The following CARD9 variants were observed in gnomAD, a reference collection of about 807,000 sequenced individuals.
The protein encoded by CARD9 is caspase recruitment domain-containing protein 9.
CARD9 carries 53 observed loss-of-function variants against 66.0 expected under a neutral mutation model. That is an observed-to-expected ratio of 0.80 (90% CI 0.64 to 1.01). The LOEUF is 1.01. Among genes scored for constraint, CARD9 ranks in the 50% least tolerant of loss-of-function variants. The pLI is 0.00. For synonymous variants in CARD9, 387 were observed against 313.8 expected, an observed-to-expected ratio of 1.23 and a Z score of -2.47; for missense variants, 769 against 743.2, an observed-to-expected ratio of 1.03 and a Z score of -0.40.
intron 11 of CARD9, chr9:136,364,872 C>T (rs1005327409): frequency 4.4e-5 from 26 of 595,392 alleles, no homozygotes; most frequent in African/African-American, 7.4e-5. Context: ...GTGTTCACCT[C>T]CTCATCCACT....
chr9:136,364,736 C>T, intron 11 of CARD9, 177 bp from the exon 12 acceptor site: 1 of 656,252 alleles, frequency 1.5e-6, no homozygotes, highest in Non-Finnish European at 2.6e-6. Flanking sequence ...GGAGGTGAGC[C>T]GGTGTGGGTA....
At chr9:136,371,557 T>C in intron 2 of CARD9, 96 bp from the exon 3 acceptor site, 1 of 1,500,112 alleles carries the variant, frequency 6.7e-7, no homozygotes, top group Non-Finnish European at 9.0e-7. Flanking sequence ...GAGGCTGGCA[T>C]GCAGATGAGG....
In CARD9 at chr9:136,373,540, C is replaced by G; in HGVS notation, c.-25G>C. On this transcript the variant is annotated 5_prime_UTR_variant, in exon 1 of 13. Coordinates refer to ENST00000371732, the MANE Select transcript of CARD9 (RefSeq NM_052813.5). ...GCACCAGACCCACCCACCTGAGGGT[C>G]TTCCAGGAGCCACCTGCACTGCAGA... 1.0e-6 allele frequency: 1 copy of G among 985,700 alleles called. No individual in the cohort carries two copies. The highest frequency in any genetic ancestry group is 1.2e-6 in the Non-Finnish European group (1 of 830,040). 61.1% of individuals were successfully genotyped at this position (985,700 alleles called of 1,614,324 possible).
chr9:136,372,042 C>A lies in CARD9; in HGVS notation c.37G>T (p.Val13Phe). Residue 13 changes from valine (V) to phenylalanine (F), a missense_variant, in exon 2 of 13, where the codon GTC (valine) becomes TTC (phenylalanine). Val to Phe is a conservative substitution (Grantham distance 50). Coordinates refer to ENST00000371732, the MANE Select transcript of CARD9 (RefSeq NM_052813.5). The stretch of plus-strand genomic sequence containing the variant: ...AGCGTCACCCGGAAGCCCTCCAGGA[C>A]GCTCCAGCACTCGTCATCGTTCTCG... ...DYENDDECWS[V>F]LEGFRVTLTS... The A allele has an allele frequency of 6.2e-7, 1 of 1,612,784 alleles. No homozygotes were observed. The highest frequency in any genetic ancestry group is 1.1e-5 in the South Asian group (1 of 91,088).
At chr9:136,372,694 G>A (rs1382074801) in intron 1 of CARD9, among the ~76,000 whole-genome samples, 5 of 152,184 alleles carry the variant, frequency 3.3e-5, no homozygotes, top group African/African-American at 1.2e-4. Flanking sequence ...CCTCCTCCAC[G>A]GCCGGCTGCT....
At chr9:136,372,653 G>A (rs553741439) in intron 1 of CARD9, among the ~76,000 whole-genome samples, 135 of 152,308 alleles carry the variant, frequency 8.9e-4, no homozygotes, top group African/African-American at 2.6e-3. Context: ...TCCCCTGACC[G>A]ACGCCTGCTC....
At chr9:136,371,494 G>A (rs1178209104) in intron 2 of CARD9, 33 bp from the exon 3 acceptor site, 5 of 998,888 alleles carry the variant, frequency 5.0e-6, no homozygotes, top group African/African-American at 4.8e-5. Flanking sequence ...TGGGGGCGGG[G>A]CACAGGCGAG....
Position 136,370,282 on chromosome 9 carries a change from C to T in CARD9, c.951+12G>A, listed in dbSNP as rs1287916815. ...GACCCCAGGGGCCATGTCTCCCCGC[C>T]TGCCCTCCTACCCGGAGGCGTCGGG... On this transcript the variant is annotated intron_variant, in intron 6 of 12. Coordinates refer to ENST00000371732, the MANE Select transcript of CARD9 (RefSeq NM_052813.5). 2 of 1,595,920 alleles carry T rather than the reference C, an allele frequency of 1.3e-6. No homozygotes were observed. The highest frequency in any genetic ancestry group is 1.7e-6 in the Non-Finnish European group (2 of 1,177,876).
intron 7 of CARD9, among the ~76,000 whole-genome samples, chr9:136,368,155 T>G (rs553877159): frequency 6.6e-6 from 1 of 152,350 alleles, no homozygotes; most frequent in African/African-American, 2.4e-5. Flanking sequence ...TGTCCATAGC[T>G]AAGCGTCCTT....
rs199617524 is a variant in CARD9, at chr9:136,365,165, C to T, written c.1410G>A (p.Gln470=). The change falls in exon 11 of 13, where the codon CAG becomes CAA. Residue 470 remains glutamine (Q), a synonymous_variant. Transcript: ENST00000371732. The part of the protein sequence containing the change: ...SPKQPFAALH[Q]EQVLRNPHDA... ...CATGGGGGTTCCGCAAAACCTGCTCCTGGTGCAGAGCTGCAAAGGGCTGTT... is the reference window on the plus strand; with the variant it reads ...CATGGGGGTTCCGCAAAACCTGCTCTTGGTGCAGAGCTGCAAAGGGCTGTT... The T allele has an allele frequency of 6.2e-6, 10 of 1,611,952 alleles. No individual in the cohort carries two copies. In the Middle Eastern group the frequency reaches 5.0e-4, roughly 80 times the overall value.
In CARD9 at chr9:136,370,380, G is replaced by A. The variant is rs398122363; in HGVS notation, c.865C>T (p.Gln289Ter). Residue 289 changes from glutamine to a stop codon, truncating the protein, a stop_gained, in exon 6 of 13, where the codon CAG becomes TAG. Transcript: ENST00000371732. LOFTEE classifies it high-confidence loss of function. ...TGCTCCTGGTGGTCCCGCAGCGCCT[G>A]CCGCCAGTCCTCCTCCAGTACCTGG... ...YIQVLEEDWR[Q>*]ALRDHQEQAN... The A allele has an allele frequency of 5.0e-6, 8 of 1,610,288 alleles. No individual in the cohort carries two copies. In the Admixed American group the frequency reaches 6.7e-5, roughly 13 times the overall value.
chr9:136,367,364 C>T, intron 8 of CARD9, 107 bp from the exon 9 acceptor site: 1 of 1,297,900 alleles, frequency 7.7e-7, no homozygotes, highest in Non-Finnish European at 1.1e-6. Context: ...CTGGGCATGC[C>T]CTCAGCCACA....
chr9:136,368,284 A>C (rs1477374106), intron 7 of CARD9, among the ~76,000 whole-genome samples: 1 of 152,164 alleles, frequency 6.6e-6, no homozygotes, highest in East Asian at 1.9e-4. Flanking sequence ...GCCCTCACCT[A>C]ACCCCTTCTG....
At chr9:136,373,107 G>T (rs536797958) in intron 1 of CARD9, among the ~76,000 whole-genome samples, 32 of 152,338 alleles carry the variant, frequency 2.1e-4, no homozygotes, top group Middle Eastern at 3.4e-3. Context: ...CTCCAGCCCC[G>T]CTGGGAAACG....
At chr9:136,364,715 C>T in intron 11 of CARD9, 156 bp from the exon 12 acceptor site, 1 of 721,606 alleles carries the variant, frequency 1.4e-6, no homozygotes. Flanking sequence ...GTGGGACCTG[C>T]CTGTACCCCT....
intron 2 of CARD9, 67 bp downstream of exon 2, chr9:136,371,828 G>A (rs574450713): frequency 1.4e-5 from 22 of 1,549,440 alleles, no homozygotes; most frequent in South Asian, 6.1e-5. Context: ...GTGGCAGAGC[G>A]TGCAGCCACC....
Position 136,364,579 on chromosome 9 carries a change from CGGGCTCCGGCCGGCTCCCCTGAGGG to C in CARD9, c.1435-45_1435-21del. On this transcript the variant is annotated intron_variant, in intron 11 of 12. Coordinates refer to ENST00000371732, the MANE Select transcript of CARD9 (RefSeq NM_052813.5). The stretch of plus-strand genomic sequence containing the variant: ...TGCGTCCTGGAGAAGGGGGAAGGCT[CGGGCTCCGGCCGGCTCCCCTGAGGG>C]AACCCGTCCTTCTCACCCGCCCCCC... 6.5e-7 allele frequency: 1 copy of C among 1,534,318 alleles called. No individual in the cohort carries two copies. Among genetic ancestry groups the C allele is most frequent in the Admixed American group, 2.0e-5 (1 of 50,766 alleles).
intron 1 of CARD9, among the ~76,000 whole-genome samples, 152 bp downstream of exon 1, chr9:136,373,380 A>G (rs1351893027): frequency 6.6e-6 from 1 of 152,198 alleles, no homozygotes; most frequent in Admixed American, 6.5e-5. Context: ...ATCTCCGCCC[A>G]GGGGCCGTGA....
In CARD9 at chr9:136,363,960, G is replaced by A. The variant is rs1437763305; in HGVS notation, c.*342C>T. 7.8e-6 allele frequency: 8 copies of A among 1,019,558 alleles called. No homozygotes were observed. The highest frequency in any genetic ancestry group is 2.0e-5 in the Admixed American group (1 of 50,134). The allele number at this position is 1,019,558 out of a possible 1,614,324, so 63.2% of individuals were successfully genotyped here. A position where few individuals can be genotyped will look rare whatever the true frequency, so the allele number is the denominator to read the frequency against. ...GCGCGAGTGTCCGAGCGGGAATGCG[G>A]GTCACCCGTGCTGTTTATTTACGCA... On this transcript the variant is annotated 3_prime_UTR_variant, in exon 13 of 13. Transcript: ENST00000371732.
Sources: allele counts gnomAD v4.1 joint callset (sites outside exome capture counted in the v4.1 genomes callset), GRCh38; gene constraint gnomAD v4.1.1; transcripts MANE v1.5; gene names NCBI Gene and HGNC (gene_info 2026-07-23, HGNC 2026-07-21).